ATP10B: variants seen among roughly 807,000 people sequenced by gnomAD.
ATP10B encodes ATPase phospholipid transporting 10B (putative).
Under a neutral mutation model 141.2 loss-of-function variants are expected in ATP10B, and 122 were observed. The ratio of observed to expected loss-of-function variants is 0.86; its 90% CI spans 0.75 to 1.00. ATP10B has a LOEUF of 1.00. ATP10B is among the 50% of genes least tolerant of loss of function. The pLI, the probability that ATP10B is intolerant of heterozygous loss-of-function variation, is 0.00. For synonymous variants in ATP10B, 685 were observed against 692.0 expected, an observed-to-expected ratio of 0.99 and a Z score of 0.16; for missense variants, 1,876 against 1,825.3, an observed-to-expected ratio of 1.03 and a Z score of -0.51.
the ATP10B span, among the ~76,000 whole-genome samples, chr5:160,892,479 C>T: frequency 3.5e-4 from 54 of 152,320 alleles, 1 homozygote; most frequent in Non-Finnish European, 5.1e-4. Context: ...TTTTTGGGGG[C>T]ACTGCATGAT....
intron 21 of ATP10B, 152 bp from the exon 22 acceptor site, chr5:160,599,122 G>A (rs1321914021): frequency 9.3e-6 from 6 of 644,252 alleles, no homozygotes; most frequent in Admixed American, 2.8e-5. Flanking sequence ...CTAATCCTCG[G>A]AGCAGTAGCT....
chr5:160,912,722 A>AAGAG, the ATP10B span, among the ~76,000 whole-genome samples: 1 of 151,974 alleles, frequency 6.6e-6, no homozygotes, highest in Non-Finnish European at 1.5e-5. Context: ...GAAGAAAGAA[A>AAGAG]AGAGAGAGAG....
At chr5:160,748,408 G>A (rs1485558925) in intron 2 of ATP10B, among the ~76,000 whole-genome samples, 1 of 152,134 alleles carries the variant, frequency 6.6e-6, no homozygotes, top group Non-Finnish European at 1.5e-5. Context: ...TTTTAAATGA[G>A]CCCAGGACAA....
At chr5:160,835,553 C>T (rs1473134497) in intron 1 of ATP10B, among the ~76,000 whole-genome samples, 1 of 152,158 alleles carries the variant, frequency 6.6e-6, no homozygotes, top group African/African-American at 2.4e-5. Flanking sequence ...TTCAGCTTCT[C>T]TCTCACCTCA....
At chr5:160,775,676 ATT>A (rs10642787) in intron 2 of ATP10B, among the ~76,000 whole-genome samples, 20 of 116,788 alleles carry the variant, frequency 1.7e-4, no homozygotes, top group East Asian at 5.2e-4. Flanking sequence ...CAAGTTTCAG[ATT>A]TTTTTTTTTT....
chr5:160,887,726 G>T, the ATP10B span, among the ~76,000 whole-genome samples: 2 of 152,140 alleles, frequency 1.3e-5, no homozygotes, highest in African/African-American at 4.8e-5. Flanking sequence ...TTCAGTCACT[G>T]TCCCTGCTGT....
chr5:160,628,863 A>G (rs1159587796), intron 13 of ATP10B, among the ~76,000 whole-genome samples: 1 of 151,308 alleles, frequency 6.6e-6, no homozygotes, highest in Admixed American at 6.6e-5. Flanking sequence ...TAAGTATATT[A>G]CCCCCACCTT....
In ATP10B at chr5:160,743,139, G is replaced by A. The variant is rs553188448; in HGVS notation, c.-330-26105C>T. On this transcript the variant is annotated intron_variant, in intron 2 of 25. Coordinates refer to ENST00000327245, the MANE Select transcript of ATP10B (RefSeq NM_025153.3). ...ACTGGCATTATCGCTGCCCCATTTTGTAAGTAATAAAACTGAAGCAGAGAG... is the reference window on the plus strand; with the variant it reads ...ACTGGCATTATCGCTGCCCCATTTTATAAGTAATAAAACTGAAGCAGAGAG... Among the ~76,000 whole-genome samples the A allele has an allele frequency of 2.3e-3, 350 of 152,234 alleles. 1 individual carries two copies. The highest frequency in any genetic ancestry group is 3.1e-3 in the Non-Finnish European group (212 of 68,022).
intron 13 of ATP10B, among the ~76,000 whole-genome samples, chr5:160,626,739 C>G (rs1758633016): frequency 6.6e-6 from 1 of 152,156 alleles, no homozygotes; most frequent in Non-Finnish European, 1.5e-5. Flanking sequence ...CTCCGAGGAC[C>G]ACAGTTGGAG....
In ATP10B at chr5:160,652,909, ACATGT is replaced by A. The variant is rs1369529488; in HGVS notation, c.676-3658_676-3654del. Among the ~76,000 whole-genome samples, 38 of 68,242 alleles carry A rather than the reference ACATGT, an allele frequency of 5.6e-4. 2 individuals are homozygous for A. The highest frequency in any genetic ancestry group is 1.7e-3 in the South Asian group (4 of 2,356). The allele number at this position is 68,242 out of a possible 152,430, so 44.8% of individuals were successfully genotyped here. ...TATAATTATATAATATATTATATAT[ACATGT>A]ATATATAATATATTATATATACATG... On this transcript the variant is annotated intron_variant, in intron 7 of 25. Coordinates refer to ENST00000327245, the MANE Select transcript of ATP10B (RefSeq NM_025153.3).
chr5:160,640,721 G>A lies in ATP10B; in HGVS notation c.869-129C>T, dbSNP rs778165666. ...TCACTCTTTAACCTGAACTTGCCCC[G>A]CCTCAGAAGGTTGCTGAGAACAGCT... On this transcript the variant is annotated intron_variant, in intron 9 of 25. Transcript: ENST00000327245. 2.1e-4 allele frequency: 267 copies of A among 1,258,778 alleles called. No individual in the cohort carries two copies. In the Middle Eastern group the frequency reaches 2.3e-3, roughly 11 times the overall value. 78.0% of individuals were successfully genotyped at this position (1,258,778 alleles called of 1,614,324 possible).
intron 3 of ATP10B, among the ~76,000 whole-genome samples, chr5:160,696,565 CTA>C (rs746620428): frequency 1.3e-5 from 2 of 152,184 alleles, no homozygotes; most frequent in Non-Finnish European, 2.9e-5. Flanking sequence ...GCCTACACCT[CTA>C]TGTCTCTATT....
chr5:160,682,077 A>T (rs549598940), intron 6 of ATP10B, among the ~76,000 whole-genome samples: 1 of 152,344 alleles, frequency 6.6e-6, no homozygotes, highest in South Asian at 2.1e-4. Flanking sequence ...TATTCAGTCC[A>T]TTTAATTACC....
the ATP10B span, among the ~76,000 whole-genome samples, chr5:160,885,392 G>A: frequency 6.6e-6 from 1 of 152,074 alleles, no homozygotes; most frequent in Non-Finnish European, 1.5e-5. Context: ...CAGTGAGTGA[G>A]TGTCTTCTCC....
At chr5:160,798,077 G>A (rs1772090313) in intron 1 of ATP10B, among the ~76,000 whole-genome samples, 3 of 152,140 alleles carry the variant, frequency 2.0e-5, no homozygotes, top group Non-Finnish European at 2.9e-5. Context: ...AGACTTGAAG[G>A]GTGAGAAGGA....
chr5:160,624,729 T>G (rs1004366989), intron 13 of ATP10B, among the ~76,000 whole-genome samples: 17 of 152,232 alleles, frequency 1.1e-4, no homozygotes, highest in Non-Finnish European at 2.9e-5. Context: ...CAAGTTGAGA[T>G]GAAATGAATC....
chr5:160,682,154 T>TA (rs1763442532), intron 6 of ATP10B, among the ~76,000 whole-genome samples: 1 of 152,202 alleles, frequency 6.6e-6, no homozygotes, highest in South Asian at 2.1e-4. Context: ...ACTTAGATAT[T>TA]AAAAAATATT....
At chr5:160,839,453 C>A (rs1775685090) in intron 1 of ATP10B, among the ~76,000 whole-genome samples, 1 of 151,906 alleles carries the variant, frequency 6.6e-6, no homozygotes, top group South Asian at 2.1e-4. Context: ...GCTTTAAAAG[C>A]TTAAGTGAGA....
At chr5:160,588,885 A>C (rs1329054282) in intron 24 of ATP10B, among the ~76,000 whole-genome samples, 7 of 152,176 alleles carry the variant, frequency 4.6e-5, no homozygotes. Context: ...TATGCTTGAG[A>C]TATGGTTACC....
Sources: allele counts gnomAD v4.1 joint callset (sites outside exome capture counted in the v4.1 genomes callset), GRCh38; gene constraint gnomAD v4.1.1; transcripts MANE v1.5; gene names NCBI Gene and HGNC (gene_info 2026-07-23, HGNC 2026-07-21).